Variants in GALNT12 observed in about 807,000 individuals in gnomAD.
GALNT12 encodes the protein polypeptide N-acetylgalactosaminyltransferase 12.
A neutral mutation model predicts 55.5 loss-of-function variants in GALNT12; 45 were observed. That is an observed-to-expected ratio of 0.81 (90% confidence interval 0.64 to 1.04). The LOEUF (loss-of-function observed/expected upper bound fraction) is 1.04, where lower values mean the gene tolerates loss of function less well. Among genes scored for constraint, GALNT12 ranks in the 50% least tolerant of loss-of-function variants. The probability of loss-of-function intolerance (pLI) is 0.00; values close to 1 mark genes in which losing one functional copy is unlikely to be tolerated. For synonymous variants in GALNT12, 304 were observed against 312.2 expected, an observed-to-expected ratio of 0.97 and a Z score of 0.28; for missense variants, 709 against 754.8, an observed-to-expected ratio of 0.94 and a Z score of 0.71.
intron 9 of GALNT12, among the ~76,000 whole-genome samples, 170 bp downstream of exon 9, chr9:98,846,293 G>A (rs771570119): frequency 2.6e-5 from 4 of 152,106 alleles, no homozygotes; most frequent in Non-Finnish European, 5.9e-5. Context: ...CCTGGGGGGC[G>A]GTGATGGCAG....
At chr9:98,830,948 C>T (rs539516342) in intron 3 of GALNT12, among the ~76,000 whole-genome samples, 9 of 152,238 alleles carry the variant, frequency 5.9e-5, no homozygotes, top group Admixed American at 1.3e-4. Flanking sequence ...TTCCAGACAA[C>T]GTCCCCCAAA....
At chr9:98,821,310 C>G (rs1835729204) in intron 1 of GALNT12, among the ~76,000 whole-genome samples, 1 of 152,124 alleles carries the variant, frequency 6.6e-6, no homozygotes, top group South Asian at 2.1e-4. Context: ...ATGCCCGGCC[C>G]TGTTCTGCTT....
intron 6 of GALNT12, among the ~76,000 whole-genome samples, chr9:98,839,510 A>G (rs1836236604): frequency 6.6e-6 from 1 of 152,244 alleles, no homozygotes; most frequent in African/African-American, 2.4e-5. Flanking sequence ...TGCTTATTTC[A>G]TACTGAGAAC....
intron 7 of GALNT12, among the ~76,000 whole-genome samples, chr9:98,842,485 A>G (rs1171380428): frequency 6.6e-6 from 1 of 152,196 alleles, no homozygotes; most frequent in African/African-American, 2.4e-5. Flanking sequence ...CACTGTGCCC[A>G]GCCCAATTCA....
At chr9:98,819,155 T>G (rs758162989) in intron 1 of GALNT12, among the ~76,000 whole-genome samples, 1 of 152,256 alleles carries the variant, frequency 6.6e-6, no homozygotes, top group Non-Finnish European at 1.5e-5. Context: ...GATGTAGTCT[T>G]GGAAGTCACA....
chr9:98,838,934 A>G (rs1836219802), intron 6 of GALNT12, among the ~76,000 whole-genome samples: 1 of 151,930 alleles, frequency 6.6e-6, no homozygotes, highest in Non-Finnish European at 1.5e-5. Context: ...TGGGGCCTGT[A>G]CTCTGCAGCG....
intron 6 of GALNT12, among the ~76,000 whole-genome samples, chr9:98,838,909 AGG>A (rs1247333475): frequency 3.9e-5 from 6 of 152,152 alleles, no homozygotes; most frequent in Admixed American, 2.0e-4. Context: ...GGCTGATAGG[AGG>A]TAGAACTGGG....
At chr9:98,821,624 C>CAAAAAAAAAAAAAAAA (rs11467276) in intron 1 of GALNT12, among the ~76,000 whole-genome samples, 8,823 of 111,204 alleles carry the variant, frequency 0.079, 1,588 homozygotes, top group Non-Finnish European at 0.12. Context: ...GACTCCATCT[C>CAAAAAAAAAAAAAAAA]AAAAAAAAAA....
rs1836366166 is a variant in GALNT12, at chr9:98,844,385, T to C, written c.1458+176T>C. 5.1e-5 allele frequency: 32 copies of C among 621,418 alleles called. 2 individuals are homozygous for C. In the South Asian group the frequency reaches 6.2e-4, roughly 12 times the overall value. The allele number at this position is 621,418 out of a possible 1,614,324, so 38.5% of individuals were successfully genotyped here. ...AATGTGTTTTCTTCCCATCATTTTT[T>C]ACACATAACACACAGAGATTATGTG... On this transcript the variant is annotated intron_variant, in intron 8 of 9. Coordinates refer to ENST00000375011, the MANE Select transcript of GALNT12 (RefSeq NM_024642.5).
rs544713934 is a variant in GALNT12 at position 98,810,460 on chromosome 9, A to G, written c.371+2391A>G. Among the ~76,000 whole-genome samples the G allele has an allele frequency of 1.1e-4, 16 of 152,338 alleles. No homozygotes were observed. The South Asian group carries it at 1.9e-3, about 18-fold the overall frequency. On this transcript the variant is annotated intron_variant, in intron 1 of 9. Transcript: ENST00000375011. ...GCATATTCACTCTAGAAATGTTGGCATGCACAGAGAAACAGAAAAGGAAAA... is the reference window on the plus strand; with the variant it reads ...GCATATTCACTCTAGAAATGTTGGCGTGCACAGAGAAACAGAAAAGGAAAA...
Position 98,807,925 on chromosome 9 carries a change from G to C in GALNT12, c.227G>C (p.Gly76Ala), listed in dbSNP as rs1835413234. The C allele has an allele frequency of 2.4e-6, 3 of 1,248,044 alleles. 1 individual carries two copies. The East Asian group carries it at 9.7e-5, about 40-fold the overall frequency. The allele number at this position is 1,248,044 out of a possible 1,614,324, so 77.3% of individuals were successfully genotyped here. ...CCGCCGGTGCCGGCGAACGCGCTGG[G>C]CGCGCGGGGCGAGGCGGTGCGGCTG... ...PRPPVPANAL[G>A]ARGEAVRLQL... Residue 76 changes from glycine to alanine, a missense_variant, in exon 1 of 10, where the codon GGC becomes GCC. Transcript: ENST00000375011.
intron 7 of GALNT12, among the ~76,000 whole-genome samples, chr9:98,843,402 T>C (rs930535085): frequency 7.3e-6 from 1 of 137,166 alleles, no homozygotes; most frequent in African/African-American, 2.9e-5. Context: ...AAATTAATTC[T>C]TTTTTTTTTT....
chr9:98,815,346 C>T (rs1197762062), intron 1 of GALNT12, among the ~76,000 whole-genome samples: 1 of 152,152 alleles, frequency 6.6e-6, no homozygotes, highest in African/African-American at 2.4e-5. Context: ...TTTTGCCCAA[C>T]TATAGACTAA....
intron 3 of GALNT12, among the ~76,000 whole-genome samples, chr9:98,830,540 A>G (rs1165595879): frequency 6.6e-6 from 1 of 152,218 alleles, no homozygotes; most frequent in Middle Eastern, 3.2e-3. Flanking sequence ...TGTAAAAATT[A>G]GGCTTTCTGT....
chr9:98,830,894 C>T (rs1442906723), intron 3 of GALNT12, among the ~76,000 whole-genome samples: 6 of 152,190 alleles, frequency 3.9e-5, no homozygotes, highest in Non-Finnish European at 7.3e-5. Flanking sequence ...ATCTCTGTTG[C>T]ACTGTCCTGT....
chr9:98,809,153 A>G (rs1422490190), intron 1 of GALNT12, among the ~76,000 whole-genome samples: 1 of 152,172 alleles, frequency 6.6e-6, no homozygotes, highest in Non-Finnish European at 1.5e-5. Context: ...TGCTGATCTC[A>G]GGATTTTAGG....
intron 1 of GALNT12, among the ~76,000 whole-genome samples, chr9:98,821,425 T>G (rs1302982022): frequency 6.6e-6 from 1 of 151,704 alleles, no homozygotes; most frequent in East Asian, 2.0e-4. Context: ...ATTGAGACCA[T>G]CCTGGCTAAC....
At position 98,848,986 on chromosome 9, in the gene GALNT12, G is replaced by C. The variant is rs368008649; in HGVS notation, c.1640G>C (p.Cys547Ser). The C allele has an allele frequency of 1.2e-5, 20 of 1,614,114 alleles. No homozygotes were observed. The highest frequency in any genetic ancestry group is 2.2e-5 in the East Asian group (1 of 44,904). The change falls in exon 10 of 10, where the codon TGT (cysteine) becomes TCT (serine). Residue 547 changes from cysteine to serine, a missense_variant. This residue lies in a region of GALNT12 where 262 missense variants were observed against 310.7 expected (regional missense o/e 0.84). Transcript: ENST00000375011. The stretch of plus-strand genomic sequence containing the variant: ...TTATTTCACGAACAGTCCAAGAAAT[G>C]TGTCCAGGCTGCGAGGAAGGAGTCG... ...GSLFHEQSKK[C>S]VQAARKESSD...
At chr9:98,810,915 A>C (rs1281363916) in intron 1 of GALNT12, among the ~76,000 whole-genome samples, 1 of 152,328 alleles carries the variant, frequency 6.6e-6, no homozygotes, top group African/African-American at 2.4e-5. Context: ...TATAGTAAGT[A>C]AGTCAGTAAG....
Sources: allele counts gnomAD v4.1 joint callset (sites outside exome capture counted in the v4.1 genomes callset), GRCh38; gene constraint gnomAD v4.1.1; regional missense constraint gnomAD v4.1.1; transcripts MANE v1.5; gene names NCBI Gene and HGNC (gene_info 2026-07-23, HGNC 2026-07-21).